Variants in SLC25A25 observed in about 807,000 individuals in gnomAD.
The protein encoded by SLC25A25 is mitochondrial adenyl nucleotide antiporter SLC25A25.
In SLC25A25, 32 loss-of-function variants were observed where a neutral mutation model predicts 57.7. The observed-to-expected ratio is 0.55, with a 90% CI of 0.42 to 0.74. The LOEUF is 0.74. Among genes scored for constraint, SLC25A25 ranks in the 30% least tolerant of loss-of-function variants. The probability of loss-of-function intolerance (pLI) is 0.00; values close to 1 mark genes in which losing one functional copy is unlikely to be tolerated. For missense variants in SLC25A25, 556 were observed against 701.3 expected, an observed-to-expected ratio of 0.79 and a Z score of 2.34; for synonymous variants, 306 against 291.2, an observed-to-expected ratio of 1.05 and a Z score of -0.52.
chr9:128,079,985 C>G (rs183695657), intron 1 of SLC25A25, among the ~76,000 whole-genome samples: 1 of 142,346 alleles, frequency 7.0e-6, no homozygotes, highest in Non-Finnish European at 1.5e-5. Flanking sequence ...GCGAGACTCC[C>G]TCTCAAAAAA....
At chr9:128,100,700 C>G (rs1833752880) in intron 1 of SLC25A25, among the ~76,000 whole-genome samples, 1 of 152,230 alleles carries the variant, frequency 6.6e-6, no homozygotes, top group African/African-American at 2.4e-5. Flanking sequence ...TGGTTGAAGC[C>G]TGGGTCCAGG....
At chr9:128,093,931 C>T (rs771430565) in intron 1 of SLC25A25, among the ~76,000 whole-genome samples, 3 of 152,134 alleles carry the variant, frequency 2.0e-5, no homozygotes, top group African/African-American at 4.8e-5. Context: ...GGACAGATCA[C>T]GAGGTCAGGA....
intron 7 of SLC25A25, 109 bp downstream of exon 7, chr9:128,105,990 C>T: frequency 6.5e-7 from 1 of 1,544,104 alleles, no homozygotes; most frequent in Non-Finnish European, 8.8e-7. Flanking sequence ...AGCCGTGGTA[C>T]CCCAGGGACA....
chr9:128,095,221 T>A lies in SLC25A25; in HGVS notation c.262-5875T>A, dbSNP rs1833524057. Among the ~76,000 whole-genome samples, 1 of 152,236 alleles carries A rather than the reference T, an allele frequency of 6.6e-6. No homozygotes were observed. The highest frequency in any genetic ancestry group is 6.5e-5 in the Admixed American group (1 of 15,284). On this transcript the variant is annotated intron_variant, in intron 1 of 10. Coordinates refer to ENST00000373069, the MANE Select transcript of SLC25A25 (RefSeq NM_001330988.2). This position sits in a 1 kb window ranked among gnomAD's most constrained non-coding sequence, Gnocchi z 4.4. ...CCGCCTTCCAGTATGAGGTATCACC[T>A]ACTGTCTGGCTTACCGGCATCCTTT...
At chr9:128,077,183 C>T (rs1389354871) in intron 1 of SLC25A25, among the ~76,000 whole-genome samples, 1 of 152,172 alleles carries the variant, frequency 6.6e-6, no homozygotes, top group Non-Finnish European at 1.5e-5. Flanking sequence ...AGACAATAAC[C>T]CATGGGGTTT....
At chr9:128,081,092 G>C (rs557011851) in intron 1 of SLC25A25, among the ~76,000 whole-genome samples, 21 of 152,340 alleles carry the variant, frequency 1.4e-4, no homozygotes, top group Non-Finnish European at 2.6e-4. Context: ...TAGTTCTATA[G>C]CTAAAGAATT....
At chr9:128,088,183 C>T (rs555974962) in intron 1 of SLC25A25, among the ~76,000 whole-genome samples, 1 of 152,294 alleles carries the variant, frequency 6.6e-6, no homozygotes, top group Admixed American at 6.5e-5. Flanking sequence ...TTGGGCGGAA[C>T]AAGGACAGCA....
rs1435237335 is a variant in SLC25A25, at chr9:128,083,657, C to G, written c.261+15077C>G. Among the ~76,000 whole-genome samples the G allele has an allele frequency of 2.7e-5, 4 of 149,014 alleles. No homozygotes were observed. In the South Asian group the frequency reaches 8.5e-4, roughly 32 times the overall value. Reference sequence around the variant, plus strand: ...CCCGAGTAGCTGGGACTACAGGCACCCAACACCACGCCCAGCGAATTTTTT... The same window carrying G: ...CCCGAGTAGCTGGGACTACAGGCACGCAACACCACGCCCAGCGAATTTTTT... On this transcript the variant is annotated intron_variant, in intron 1 of 10. Transcript: ENST00000373069.
chr9:128,092,085 C>G, intron 1 of SLC25A25: 1 of 1,613,516 alleles, frequency 6.2e-7, no homozygotes, highest in Non-Finnish European at 8.5e-7. Flanking sequence ...GAGCAGTTTC[C>G]TAAGGTAATG....
At position 128,101,294 on chromosome 9, in the gene SLC25A25, C is replaced by A. The variant is rs754786037; in HGVS notation, c.389-15C>A. The stretch of plus-strand genomic sequence containing the variant: ...CCGTGCGCCTGGCTCCTGCTCACGG[C>A]CTCTGTTCTTGCAGGACGCATTGAC... On this transcript the variant is annotated splice_polypyrimidine_tract_variant and intron_variant, in intron 2 of 10. Transcript: ENST00000373069. This position sits in a 1 kb window ranked among gnomAD's most constrained non-coding sequence, Gnocchi z 4.9. The A allele has an allele frequency of 2.5e-6, 4 of 1,614,136 alleles. No individual in the cohort carries two copies. The African/African-American group carries it at 5.3e-5, about 22-fold the overall frequency.
intron 1 of SLC25A25, among the ~76,000 whole-genome samples, chr9:128,070,321 A>G (rs1588741045): frequency 6.8e-6 from 1 of 148,114 alleles, no homozygotes; most frequent in Non-Finnish European, 1.5e-5. Context: ...GATGGTCTTG[A>G]TCTCCTGACC....
At chr9:128,093,825 A>G (rs1833482448) in intron 1 of SLC25A25, among the ~76,000 whole-genome samples, 1 of 152,144 alleles carries the variant, frequency 6.6e-6, no homozygotes, top group Non-Finnish European at 1.5e-5. Flanking sequence ...CACAAAAAGG[A>G]CCTCCAGAAT....
chr9:128,073,468 C>T (rs1309612718), intron 1 of SLC25A25, among the ~76,000 whole-genome samples: 1 of 152,150 alleles, frequency 6.6e-6, no homozygotes, highest in Non-Finnish European at 1.5e-5. Flanking sequence ...GTTGGTATTG[C>T]TTAATCAGAC....
intron 1 of SLC25A25, among the ~76,000 whole-genome samples, chr9:128,093,739 A>G (rs1003377443): frequency 3.9e-5 from 6 of 152,250 alleles, no homozygotes; most frequent in Non-Finnish European, 8.8e-5. Flanking sequence ...TGCAGCCCGC[A>G]TCCTTTTCCA....
chr9:128,102,182 TG>T lies in SLC25A25; in HGVS notation c.512+70del. ...ATGCCTGATCAGAGCGGGATTCTTG[TG>T]GGCCATTATATTGCCATTGTTGTGC... is the stretch of plus-strand genomic sequence containing the variant. On this transcript the variant is annotated intron_variant, in intron 4 of 10. Transcript: ENST00000373069. This position sits in a 1 kb window ranked among gnomAD's most constrained non-coding sequence, Gnocchi z 4.1. The T allele has an allele frequency of 6.5e-7, 1 of 1,536,136 alleles. No homozygotes were observed. Among genetic ancestry groups the T allele is most frequent in the Non-Finnish European group, 8.8e-7 (1 of 1,133,748 alleles).
Position 128,107,688 on chromosome 9 carries a change from A to G in SLC25A25, c.*244A>G. On this transcript the variant is annotated 3_prime_UTR_variant, in exon 11 of 11. Coordinates refer to ENST00000373069, the MANE Select transcript of SLC25A25 (RefSeq NM_001330988.2). ...GCATTCCTTAGGGTCCAGGGTCAGC[A>G]GGCTCCGGGCTCACATGTGTAAGGA... 2.3e-6 allele frequency: 1 copy of G among 437,878 alleles called. No homozygotes were observed. Among genetic ancestry groups the G allele is most frequent in the Non-Finnish European group, 4.0e-6 (1 of 250,282 alleles). The allele number at this position is 437,878 out of a possible 1,614,324, so 27.1% of individuals were successfully genotyped here. A position where few individuals can be genotyped will look rare whatever the true frequency, so the allele number is the denominator to read the frequency against.
In SLC25A25 at chr9:128,095,134, C is replaced by T. The variant is rs190390873; in HGVS notation, c.262-5962C>T. On this transcript the variant is annotated intron_variant, in intron 1 of 10. Coordinates refer to ENST00000373069, the MANE Select transcript of SLC25A25 (RefSeq NM_001330988.2). This position sits in a 1 kb window ranked among gnomAD's most constrained non-coding sequence, Gnocchi z 4.4. ...CATTCAGAAGCTGTGACACAAACAC[C>T]GTTTTTGGTTGTATTTAGCTAGGGC... Among the ~76,000 whole-genome samples the T allele has an allele frequency of 1.9e-3, 284 of 152,300 alleles. No individual in the cohort carries two copies. The highest frequency in any genetic ancestry group is 2.9e-3 in the Admixed American group (44 of 15,294).
At chr9:128,083,471 C>T (rs1277643762) in intron 1 of SLC25A25, among the ~76,000 whole-genome samples, 1 of 151,138 alleles carries the variant, frequency 6.6e-6, no homozygotes, top group African/African-American at 2.4e-5. Context: ...TCTTCCCTCT[C>T]ATGGCTTCTG....
intron 1 of SLC25A25, among the ~76,000 whole-genome samples, chr9:128,085,583 C>T (rs16936857): frequency 0.74 from 112,167 of 151,974 alleles, 43,382 homozygotes; most frequent in Non-Finnish European, 0.85. Context: ...AAGGCATGAT[C>T]GCTAACACCT....
Sources: allele counts gnomAD v4.1 joint callset (sites outside exome capture counted in the v4.1 genomes callset), GRCh38; gene constraint gnomAD v4.1.1; non-coding constraint Gnocchi (gnomAD v3.1); transcripts MANE v1.5; gene names NCBI Gene and HGNC (gene_info 2026-07-23, HGNC 2026-07-21).